The following KLHL32 variants were observed in gnomAD, a reference collection of about 807,000 sequenced individuals.
The protein encoded by KLHL32 is kelch like family member 32.
In KLHL32, 35 loss-of-function variants were observed where a neutral mutation model predicts 64.8. The observed-to-expected ratio is 0.54, with a 90% CI of 0.41 to 0.72. The LOEUF is 0.72. KLHL32 is among the 30% of genes least tolerant of loss of function. The probability of loss-of-function intolerance (pLI) is 0.00; values close to 1 mark genes in which losing one functional copy is unlikely to be tolerated. For missense variants in KLHL32, 589 were observed against 768.5 expected (o/e 0.77, Z 2.76); for synonymous variants, 259 against 281.0 (o/e 0.92, Z 0.78).
At chr6:96,936,919 T>C (rs774268766) in intron 1 of KLHL32, among the ~76,000 whole-genome samples, 3 of 152,160 alleles carry the variant, frequency 2.0e-5, no homozygotes, top group Non-Finnish European at 4.4e-5. Flanking sequence ...CCTTCGGGTC[T>C]TTGCTCAAAT....
At chr6:97,069,597 C>G (rs778091661) in intron 5 of KLHL32, among the ~76,000 whole-genome samples, 1 of 152,030 alleles carries the variant, frequency 6.6e-6, no homozygotes, top group Admixed American at 6.6e-5. Context: ...GTGGGGCTTT[C>G]GAGCAGAGGG....
chr6:96,999,738 T>C (rs1242824752), intron 3 of KLHL32, among the ~76,000 whole-genome samples: 2 of 152,234 alleles, frequency 1.3e-5, no homozygotes, highest in African/African-American at 4.8e-5. Flanking sequence ...TTTATTACAG[T>C]AGCTATTGGT....
chr6:96,946,191 ATTTTG>A (rs1771898331), intron 1 of KLHL32, among the ~76,000 whole-genome samples: 1 of 152,144 alleles, frequency 6.6e-6, no homozygotes, highest in Admixed American at 6.5e-5. Context: ...TATTTTAAAT[ATTTTG>A]TTTTAAGTGA....
the KLHL32 span, among the ~76,000 whole-genome samples, chr6:96,915,461 A>G: frequency 1.1e-4 from 16 of 152,228 alleles, no homozygotes; most frequent in Non-Finnish European, 4.4e-5. Flanking sequence ...AACACAAGCC[A>G]GGTGCCCGAG....
At chr6:97,121,405 T>C (rs997774582) in intron 7 of KLHL32, among the ~76,000 whole-genome samples, 1 of 152,182 alleles carries the variant, frequency 6.6e-6, no homozygotes, top group African/African-American at 2.4e-5. Flanking sequence ...GAATCAACAA[T>C]CATTGATTGT....
At chr6:97,002,445 C>G (rs1779149541) in intron 3 of KLHL32, among the ~76,000 whole-genome samples, 1 of 152,050 alleles carries the variant, frequency 6.6e-6, no homozygotes, top group African/African-American at 2.4e-5. Context: ...TTTTCAAACT[C>G]TATGAAGAAC....
intron 5 of KLHL32, among the ~76,000 whole-genome samples, chr6:97,082,081 G>C (rs919960926): frequency 6.6e-6 from 1 of 152,212 alleles, no homozygotes; most frequent in Non-Finnish European, 1.5e-5. Flanking sequence ...TGAAAAGAGA[G>C]GATTGAGAGT....
intron 8 of KLHL32, among the ~76,000 whole-genome samples, chr6:97,129,713 C>A (rs1799232475): frequency 6.6e-6 from 1 of 152,124 alleles, no homozygotes; most frequent in African/African-American, 2.4e-5. Context: ...GAAACCCCGT[C>A]TTCACTAAAA....
chr6:96,914,320 A>G, the KLHL32 span, among the ~76,000 whole-genome samples: 3 of 151,956 alleles, frequency 2.0e-5, no homozygotes, highest in African/African-American at 7.3e-5. Flanking sequence ...ATGACAGGAA[A>G]CTAATACCAA....
intron 5 of KLHL32, among the ~76,000 whole-genome samples, chr6:97,078,646 A>G (rs1232694786): frequency 6.6e-6 from 1 of 152,126 alleles, no homozygotes; most frequent in Non-Finnish European, 1.5e-5. Flanking sequence ...CATGATGCTT[A>G]TTTTTCTTTC....
chr6:97,109,991 T>A (rs2128206503), intron 6 of KLHL32, among the ~76,000 whole-genome samples: 1 of 152,320 alleles, frequency 6.6e-6, no homozygotes, highest in East Asian at 1.9e-4. Flanking sequence ...TTAAAAACAC[T>A]GTGGGCAAAG....
intron 3 of KLHL32, among the ~76,000 whole-genome samples, chr6:97,001,086 T>C (rs1778970320): frequency 6.6e-6 from 1 of 152,228 alleles, no homozygotes; most frequent in African/African-American, 2.4e-5. Flanking sequence ...CTATTCTATA[T>C]GATACTGTAA....
At chr6:97,060,636 A>G (rs985341512) in intron 4 of KLHL32, among the ~76,000 whole-genome samples, 1 of 152,138 alleles carries the variant, frequency 6.6e-6, no homozygotes, top group Non-Finnish European at 1.5e-5. Flanking sequence ...GAGGGTCTTC[A>G]TTGGAGATCA....
intron 10 of KLHL32, 115 bp downstream of exon 10, chr6:97,132,862 G>A (rs899493896): frequency 3.9e-5 from 26 of 673,220 alleles, no homozygotes; most frequent in Middle Eastern, 2.5e-4. Flanking sequence ...TTAACGTCCC[G>A]TTTTTTGTGC....
chr6:97,064,471 G>C (rs1262129224), intron 4 of KLHL32, among the ~76,000 whole-genome samples, 157 bp from the exon 5 acceptor site: 1 of 152,088 alleles, frequency 6.6e-6, no homozygotes, highest in Non-Finnish European at 1.5e-5. Flanking sequence ...AATCAGAACA[G>C]GAAGAGAAGA....
intron 1 of KLHL32, among the ~76,000 whole-genome samples, chr6:96,939,595 G>T (rs895825159): frequency 6.6e-6 from 1 of 152,164 alleles, no homozygotes; most frequent in Non-Finnish European, 1.5e-5. Flanking sequence ...AGAGATTGGA[G>T]AGTGTTTCAA....
chr6:96,946,893 G>A lies in KLHL32; in HGVS notation c.-65-20103G>A, dbSNP rs368654924. On this transcript the variant is annotated intron_variant, in intron 1 of 10. Transcript: ENST00000369261. ...ATGGTAAAAGAAAAACAAAGGGAACGGCCATAAAATGAGCTGTGAATTGTA... is the reference window on the plus strand; with the variant it reads ...ATGGTAAAAGAAAAACAAAGGGAACAGCCATAAAATGAGCTGTGAATTGTA... Among the ~76,000 whole-genome samples the A allele has an allele frequency of 8.5e-5, 13 of 152,202 alleles. No homozygotes were observed. The East Asian group carries it at 2.3e-3, about 27-fold the overall frequency.
At position 96,924,800 on chromosome 6, in the gene KLHL32, G is replaced by GGC. The variant is rs1407310655; in HGVS notation, c.-291_-290dup. 2.7e-5 allele frequency: 2 copies of GGC among 73,402 alleles called. No homozygotes were observed. The highest frequency in any genetic ancestry group is 5.2e-5 in the Non-Finnish European group (2 of 38,670). 4.5% of individuals were successfully genotyped at this position (73,402 alleles called of 1,614,324 possible). ...GCAGTCGCGCGCACACACGCACGCA[G>GGC]GCACACACACACACACACACACACA... On this transcript the variant is annotated 5_prime_UTR_variant, in exon 1 of 11. Transcript: ENST00000369261.
In KLHL32 at chr6:97,056,439, C is replaced by T. The variant is rs1283180036; in HGVS notation, c.313-8189C>T. Among the ~76,000 whole-genome samples the T allele has an allele frequency of 2.6e-5, 4 of 152,014 alleles. No individual in the cohort carries two copies. In the East Asian group the frequency reaches 7.7e-4, roughly 29 times the overall value. On this transcript the variant is annotated intron_variant, in intron 4 of 10. Transcript: ENST00000369261. ...GCCTATTCTCTCTTGGCCTTTGTAA[C>T]ACTGCTCACTGTGGGCTTTTATTCT...
Sources: allele counts gnomAD v4.1 joint callset (sites outside exome capture counted in the v4.1 genomes callset), GRCh38; gene constraint gnomAD v4.1.1; transcripts MANE v1.5; gene names NCBI Gene and HGNC (gene_info 2026-07-23, HGNC 2026-07-21).